UQCC5: variants seen among roughly 807,000 people sequenced by gnomAD.
UQCC5 encodes UPF0640 protein C3orf78.
the UQCC5 span, chr3:52,541,257 T>C: frequency 6.6e-6 from 1 of 152,032 alleles, no homozygotes; most frequent in African/African-American, 2.4e-5. Context: ...CAGTGTAAGT[T>C]TGGATCAGCC....
chr3:52,538,241 G>C, the UQCC5 span, among the ~76,000 whole-genome samples: 2 of 152,220 alleles, frequency 1.3e-5, no homozygotes, highest in Non-Finnish European at 2.9e-5. Context: ...CTCAGGAGAT[G>C]AGGAGTGGAG....
At chr3:52,536,826 G>A in the UQCC5 span, 12 of 1,551,742 alleles carry the variant, frequency 7.7e-6, no homozygotes, top group South Asian at 3.6e-5. Context: ...GGCATCTACC[G>A]GTTCCTGCCC....
the UQCC5 span, among the ~76,000 whole-genome samples, chr3:52,539,068 T>C: frequency 6.6e-6 from 1 of 151,802 alleles, no homozygotes; most frequent in Non-Finnish European, 1.5e-5. Flanking sequence ...AGAGAGGAAA[T>C]GGCCATTTGG....
chr3:52,538,273 G>GC, the UQCC5 span, among the ~76,000 whole-genome samples: 1 of 152,212 alleles, frequency 6.6e-6, no homozygotes, highest in Non-Finnish European at 1.5e-5. Flanking sequence ...GACACCTGGG[G>GC]CAGGGGGTAG....
chr3:52,536,907 G>A, the UQCC5 span: 2 of 1,551,576 alleles, frequency 1.3e-6, no homozygotes, highest in Admixed American at 3.9e-5. Flanking sequence ...GAGACCTTCT[G>A]TAAGTGAGGG....
the UQCC5 span, chr3:52,536,624 A>G: frequency 9.5e-6 from 14 of 1,473,462 alleles, no homozygotes; most frequent in East Asian, 7.5e-5. Flanking sequence ...CCTACCAGAC[A>G]GTGGCGGAGG....
the UQCC5 span, among the ~76,000 whole-genome samples, chr3:52,540,197 TTCTA>T: frequency 4.6e-5 from 7 of 152,368 alleles, no homozygotes; most frequent in Non-Finnish European, 1.0e-4. Flanking sequence ...TAAGACATGA[TTCTA>T]TCTTTCAAGA....
At chr3:52,539,940 AAAG>A in the UQCC5 span, among the ~76,000 whole-genome samples, 2 of 152,146 alleles carry the variant, frequency 1.3e-5, no homozygotes, top group African/African-American at 4.8e-5. Flanking sequence ...CCCGGCCTGG[AAAG>A]AAGATTCTTT....
chr3:52,540,580 C>T, the UQCC5 span: 9 of 893,892 alleles, frequency 1.0e-5, no homozygotes, highest in Non-Finnish European at 1.3e-5. Context: ...TGTTCTGACA[C>T]AGCTTGTCCT....
chr3:52,537,312 C>A, the UQCC5 span, among the ~76,000 whole-genome samples: 11 of 152,342 alleles, frequency 7.2e-5, no homozygotes, highest in East Asian at 2.1e-3. Flanking sequence ...GGGAGCTGAT[C>A]TGCCTGGCTT....
At chr3:52,540,477 GATGA>G in the UQCC5 span, 1 of 1,531,402 alleles carries the variant, frequency 6.5e-7, no homozygotes, top group South Asian at 1.3e-5. Flanking sequence ...AAGGCTGGAA[GATGA>G]ATGAGACTGA....
At chr3:52,540,188 A>C in the UQCC5 span, among the ~76,000 whole-genome samples, 4 of 152,348 alleles carry the variant, frequency 2.6e-5, no homozygotes, top group East Asian at 7.7e-4. Flanking sequence ...GAGATGTGCT[A>C]AGACATGATT....
the UQCC5 span, chr3:52,540,803 C>T: frequency 2.2e-5 from 5 of 225,740 alleles, no homozygotes; most frequent in South Asian, 3.0e-4. Context: ...GAATTGTTTT[C>T]GGCAATCTTT....
the UQCC5 span, among the ~76,000 whole-genome samples, chr3:52,539,402 T>A: frequency 6.6e-6 from 1 of 151,908 alleles, no homozygotes; most frequent in Non-Finnish European, 1.5e-5. Context: ...ACGGGGGTTG[T>A]GGTATGAACA....
chr3:52,539,129 A>ACAC, the UQCC5 span, among the ~76,000 whole-genome samples: 75 of 152,140 alleles, frequency 4.9e-4, no homozygotes, highest in Non-Finnish European at 8.5e-4. Flanking sequence ...GGATTGTCAG[A>ACAC]CACCTCAGTG....
chr3:52,540,244 C>A, the UQCC5 span, among the ~76,000 whole-genome samples: 3 of 152,218 alleles, frequency 2.0e-5, no homozygotes, highest in Admixed American at 1.3e-4. Context: ...GTCTAGAACT[C>A]CATTATCATA....
chr3:52,536,883 T>C, the UQCC5 span: 8 of 1,551,628 alleles, frequency 5.2e-6, no homozygotes, highest in South Asian at 3.6e-5. Flanking sequence ...ATGATTAAAG[T>C]GCGCGTGGGC....
chr3:52,540,538 A>G, the UQCC5 span: 3 of 1,294,912 alleles, frequency 2.3e-6, no homozygotes, highest in Non-Finnish European at 3.2e-6. Context: ...TATTGGTTTC[A>G]GTGCCTTTTA....
chr3:52,537,290 C>G, the UQCC5 span, among the ~76,000 whole-genome samples: 1 of 152,230 alleles, frequency 6.6e-6, no homozygotes, highest in Non-Finnish European at 1.5e-5. Flanking sequence ...ATTCTTCTGT[C>G]CAAACTCTGG....
Sources: allele counts gnomAD v4.1 joint callset (sites outside exome capture counted in the v4.1 genomes callset), GRCh38; gene constraint gnomAD v4.1.1; transcripts MANE v1.5; gene names NCBI Gene and HGNC (gene_info 2026-07-23, HGNC 2026-07-21).